Variants in ETS1 observed in about 807,000 individuals in gnomAD.
The protein encoded by ETS1 is protein C-ets-1.
A neutral mutation model predicts 58.6 loss-of-function variants in ETS1; 15 were observed. That is an observed-to-expected ratio of 0.26 (90% CI 0.17 to 0.39). The LOEUF (loss-of-function observed/expected upper bound fraction) is 0.39. Ranked by LOEUF, ETS1 falls within the 10% of genes least tolerant of loss-of-function variation. ETS1 has a pLI of 1.00. For missense variants in ETS1, 417 were observed against 610.5 expected (o/e 0.68, Z 3.34); for synonymous variants, 214 against 218.2 (o/e 0.98, Z 0.17).
chr11:128,576,839 C>T (rs1339317284), intron 1 of ETS1, among the ~76,000 whole-genome samples: 1 of 152,150 alleles, frequency 6.6e-6, no homozygotes, highest in Non-Finnish European at 1.5e-5. Context: ...CCCATCCACC[C>T]TCAAGATGAG....
At chr11:128,581,918 TA>T (rs1864878485) in intron 1 of ETS1, among the ~76,000 whole-genome samples, 1 of 152,210 alleles carries the variant, frequency 6.6e-6, no homozygotes. Context: ...AATGCCCCTT[TA>T]AAATTGAACT....
At chr11:128,586,935 A>C (rs1230016997) in intron 1 of ETS1, among the ~76,000 whole-genome samples, 2 of 152,176 alleles carry the variant, frequency 1.3e-5, no homozygotes, top group Non-Finnish European at 2.9e-5. Context: ...AGACTTAGGA[A>C]CTTGTAGATC....
At chr11:128,514,793 C>T (rs573820939) in intron 3 of ETS1, among the ~76,000 whole-genome samples, 8 of 152,310 alleles carry the variant, frequency 5.3e-5, no homozygotes, top group African/African-American at 1.9e-4. Flanking sequence ...ACAACAGACC[C>T]AAAACTGCCC....
At chr11:128,585,045 AAAGAAAG>A (rs1864964764) in intron 1 of ETS1, among the ~76,000 whole-genome samples, 1 of 20,330 alleles carries the variant, frequency 4.9e-5, no homozygotes, top group African/African-American at 4.4e-4. Context: ...AGAAAGAAAG[AAAGAAAG>A]AAAGAAAGAA....
At chr11:128,503,994 C>T (rs1037126544) in intron 3 of ETS1, among the ~76,000 whole-genome samples, 3 of 152,176 alleles carry the variant, frequency 2.0e-5, no homozygotes, top group Non-Finnish European at 4.4e-5. Context: ...TCAGGCCCCA[C>T]ACAGTGCAGT....
At chr11:128,555,816 G>A (rs1864302728) in intron 3 of ETS1, among the ~76,000 whole-genome samples, 1 of 152,238 alleles carries the variant, frequency 6.6e-6, no homozygotes, top group Non-Finnish European at 1.5e-5. Flanking sequence ...ACCAGCAAGT[G>A]GAAGGAGAGA....
intron 2 of ETS1, among the ~76,000 whole-genome samples, chr11:128,571,417 G>C (rs1864626322): frequency 7.1e-6 from 1 of 140,982 alleles, no homozygotes; most frequent in African/African-American, 2.7e-5. Flanking sequence ...ACTCCGTCCA[G>C]CCTGGGCGAC....
chr11:128,569,318 C>CTTTTTT lies in ETS1; in HGVS notation c.69+3738_69+3743dup, dbSNP rs398018017. On this transcript the variant is annotated intron_variant, in intron 2 of 9. Transcript: ENST00000392668. Reference sequence around the variant, plus strand: ...TACCATACATGGGACAGAGTTTCTTCTTTTTTTTTTTTTTTTTTTTTTTTG... The same window carrying CTTTTTT: ...TACCATACATGGGACAGAGTTTCTTCTTTTTTTTTTTTTTTTTTTTTTTTTTTTTTG... Among the ~76,000 whole-genome samples, 14 of 39,470 alleles carry CTTTTTT rather than the reference C, an allele frequency of 3.5e-4. 4 individuals are homozygous for CTTTTTT. The highest frequency in any genetic ancestry group is 1.3e-3 in the South Asian group (1 of 774). The allele number at this position is 39,470 out of a possible 152,430, so 25.9% of individuals were successfully genotyped here.
chr11:128,568,578 CCA>C (rs928463624), intron 2 of ETS1, among the ~76,000 whole-genome samples: 7 of 152,206 alleles, frequency 4.6e-5, no homozygotes, highest in Non-Finnish European at 8.8e-5. Context: ...CACTGTGACA[CCA>C]CCTCATTCAT....
rs967526863 is a variant in ETS1 at position 128,461,410 on chromosome 11, G to A, written c.*951C>T. The A allele has an allele frequency of 2.0e-5, 3 of 152,856 alleles. No homozygotes were observed. Among genetic ancestry groups the A allele is most frequent in the African/African-American group, 4.8e-5 (2 of 41,554 alleles). The allele number at this position is 152,856 out of a possible 1,614,324, so 9.5% of individuals were successfully genotyped here. A position where few individuals can be genotyped will look rare whatever the true frequency, so the allele number is the denominator to read the frequency against. ...TTTACTGTCGTCCAAAACCAGGGAT[G>A]CAAAATACATTCAGTTCAAAGACTT... On this transcript the variant is annotated 3_prime_UTR_variant, in exon 10 of 10. Coordinates refer to ENST00000392668, the MANE Select transcript of ETS1 (RefSeq NM_001143820.2).
At chr11:128,509,919 T>C (rs1863347788) in intron 3 of ETS1, among the ~76,000 whole-genome samples, 1 of 152,262 alleles carries the variant, frequency 6.6e-6, no homozygotes, top group African/African-American at 2.4e-5. Flanking sequence ...TGTGATTATG[T>C]ATTTCTGTAA....
intron 3 of ETS1, among the ~76,000 whole-genome samples, chr11:128,543,361 C>T (rs1433484428): frequency 6.6e-6 from 1 of 152,052 alleles, no homozygotes; most frequent in Non-Finnish European, 1.5e-5. Context: ...ATTCTCTCCC[C>T]CATCTTTGCA....
At chr11:128,569,811 C>T (rs1386143173) in intron 2 of ETS1, among the ~76,000 whole-genome samples, 1 of 152,110 alleles carries the variant, frequency 6.6e-6, no homozygotes, top group Non-Finnish European at 1.5e-5. Flanking sequence ...AAACTGAGGC[C>T]CAGAGAGAAG....
intron 3 of ETS1, among the ~76,000 whole-genome samples, chr11:128,523,952 TACTC>T (rs2135522924): frequency 6.6e-6 from 1 of 152,350 alleles, no homozygotes; most frequent in South Asian, 2.1e-4. Flanking sequence ...AATTCTGCCT[TACTC>T]ACTATGAATT....
Position 128,550,273 on chromosome 11 carries a change from C to T in ETS1, c.214+6018G>A, listed in dbSNP as rs148793986. Among the ~76,000 whole-genome samples, 34 of 152,298 alleles carry T rather than the reference C, an allele frequency of 2.2e-4. No individual in the cohort carries two copies. In the East Asian group the frequency reaches 6.2e-3, roughly 28 times the overall value. On this transcript the variant is annotated intron_variant, in intron 3 of 9. Transcript: ENST00000392668. ...ATACTCAAAATGTATACCAAAAGAC[C>T]TTGTAATCTGAATATGAAATAGTAC...
intron 8 of ETS1, among the ~76,000 whole-genome samples, chr11:128,479,491 C>G (rs1357514256): frequency 1.3e-5 from 2 of 152,218 alleles, no homozygotes; most frequent in African/African-American, 4.8e-5. Context: ...ATGCTACAAC[C>G]CATTTGAAGA....
chr11:128,558,367 G>A (rs1565409362), intron 2 of ETS1, among the ~76,000 whole-genome samples: 1 of 152,184 alleles, frequency 6.6e-6, no homozygotes, highest in African/African-American at 2.4e-5. Flanking sequence ...TTTCCTGGCC[G>A]GGCGCGGTGG....
chr11:128,513,792 C>T (rs11221333), intron 3 of ETS1, among the ~76,000 whole-genome samples: 32,451 of 151,974 alleles, frequency 0.21, 3,526 homozygotes, highest in Middle Eastern at 0.35. Context: ...TGGCTCATGC[C>T]CGTAATCCCA....
At chr11:128,491,750 T>C (rs535274593) in intron 3 of ETS1, among the ~76,000 whole-genome samples, 138 of 152,342 alleles carry the variant, frequency 9.1e-4, no homozygotes, top group Non-Finnish European at 1.6e-3. Flanking sequence ...GCAAGGCAGA[T>C]AACATAAGTG....
Sources: gnomAD v4.1 joint callset for allele counts (sites outside exome capture counted in the v4.1 genomes callset) on GRCh38, gnomAD v4.1.1 for gene constraint, MANE v1.5 for transcripts, NCBI Gene and HGNC (gene_info 2026-07-23, HGNC 2026-07-21) for gene names.